CASP6: variants seen among roughly 807,000 people sequenced by gnomAD.
CASP6 encodes the protein caspase-6.
A neutral mutation model predicts 31.8 loss-of-function variants in CASP6; 20 were observed. The ratio of observed to expected loss-of-function variants is 0.63; its 90% CI spans 0.44 to 0.91. The LOEUF is 0.91. CASP6 is among the 40% of genes least tolerant of loss of function. The pLI is 0.00. For missense variants in CASP6, 328 were observed against 361.1 expected, an observed-to-expected ratio of 0.91 and a Z score of 0.74; for synonymous variants, 130 against 127.8, an observed-to-expected ratio of 1.02 and a Z score of -0.12.
intron 6 of CASP6, among the ~76,000 whole-genome samples, chr4:109,690,608 A>G (rs1730019142): frequency 6.6e-6 from 1 of 152,130 alleles, no homozygotes. Context: ...TGCTAATACT[A>G]ATATAATTAA....
At chr4:109,701,259 G>T (rs528912050) in intron 1 of CASP6, among the ~76,000 whole-genome samples, 2 of 152,062 alleles carry the variant, frequency 1.3e-5, no homozygotes, top group Non-Finnish European at 2.9e-5. Context: ...CACCACGCCC[G>T]GCCTGCGTTA....
chr4:109,666,874 G>C, the CASP6 span, among the ~76,000 whole-genome samples: 2 of 152,114 alleles, frequency 1.3e-5, no homozygotes, highest in Admixed American at 6.5e-5. Flanking sequence ...TCCTTAGTCT[G>C]TTGATATGAT....
chr4:109,698,574 TATAAAC>T (rs1245262644), intron 1 of CASP6, among the ~76,000 whole-genome samples: 2 of 152,198 alleles, frequency 1.3e-5, no homozygotes, highest in African/African-American at 2.4e-5. Flanking sequence ...ATAACAATCT[TATAAAC>T]AGAAATGGAG....
At chr4:109,709,578 G>C in the CASP6 span, among the ~76,000 whole-genome samples, 7 of 152,094 alleles carry the variant, frequency 4.6e-5, no homozygotes, top group Non-Finnish European at 1.0e-4. Flanking sequence ...AGCCATCTCT[G>C]TCCCTGGAAG....
At chr4:109,700,371 C>T (rs140198736) in intron 1 of CASP6, among the ~76,000 whole-genome samples, 31 of 152,258 alleles carry the variant, frequency 2.0e-4, no homozygotes, top group African/African-American at 7.5e-4. Flanking sequence ...TTTAAAATGA[C>T]GTTCTGGCCG....
chr4:109,671,067 C>G, the CASP6 span, among the ~76,000 whole-genome samples: 1 of 152,180 alleles, frequency 6.6e-6, no homozygotes, highest in Non-Finnish European at 1.5e-5. Flanking sequence ...ATTTTGGCGA[C>G]AGCAATTTTC....
chr4:109,682,891 T>C, the CASP6 span: 1 of 581,126 alleles, frequency 1.7e-6, no homozygotes, highest in South Asian at 2.2e-5. Context: ...TGCTTTTATC[T>C]TCCTCATTTT....
At chr4:109,702,132 G>A (rs1332526732) in intron 1 of CASP6, among the ~76,000 whole-genome samples, 1 of 152,166 alleles carries the variant, frequency 6.6e-6, no homozygotes, top group African/African-American at 2.4e-5. Flanking sequence ...GGTGAGTGAA[G>A]GAAAGCCCCG....
At chr4:109,669,322 C>T in the CASP6 span, among the ~76,000 whole-genome samples, 5 of 152,062 alleles carry the variant, frequency 3.3e-5, no homozygotes, top group Admixed American at 3.3e-4. Flanking sequence ...GTTTTTTTCT[C>T]GGAATGCTAA....
chr4:109,670,340 C>T, the CASP6 span, among the ~76,000 whole-genome samples: 1 of 149,248 alleles, frequency 6.7e-6, no homozygotes, highest in Admixed American at 6.6e-5. Flanking sequence ...TTTTCTTTTC[C>T]CCTAGGTTAA....
chr4:109,697,793 A>G, intron 2 of CASP6, 25 bp from the exon 3 acceptor site: 2 of 1,610,878 alleles, frequency 1.2e-6, no homozygotes, highest in Non-Finnish European at 1.7e-6. Context: ...TTGAAAAACA[A>G]TCACTTCAAG....
At chr4:109,694,392 A>G (rs994630241) in intron 5 of CASP6, 133 bp downstream of exon 5, 2 of 706,436 alleles carry the variant, frequency 2.8e-6, no homozygotes, top group Admixed American at 2.9e-5. Flanking sequence ...AAGTGCAACT[A>G]TGATTGGCCA....
chr4:109,690,786 A>G, intron 6 of CASP6, 64 bp downstream of exon 6: 1 of 1,506,794 alleles, frequency 6.6e-7, no homozygotes, highest in Non-Finnish European at 8.9e-7. Flanking sequence ...AACCAATCAA[A>G]GGTGAAACTT....
At chr4:109,699,559 G>A (rs1461598310) in intron 1 of CASP6, among the ~76,000 whole-genome samples, 2 of 152,220 alleles carry the variant, frequency 1.3e-5, no homozygotes, top group Non-Finnish European at 2.9e-5. Context: ...TTGGGCATCA[G>A]AATTCCTGGT....
In CASP6 at chr4:109,689,348, G is replaced by C; in HGVS notation, c.864C>G (p.Phe288Leu). ...CTATTAATTAATTAGATTTTGGAAAGAAATGCAGCTTTTTAGTTAGCATTG... is the reference window on the plus strand; with the variant it reads ...CTATTAATTAATTAGATTTTGGAAACAAATGCAGCTTTTTAGTTAGCATTG... Reference protein sequence around the residue: ...FASMLTKKLHFFPKSN With the variant: ...FASMLTKKLHLFPKSN The change falls in exon 7 of 7, where the codon TTC (phenylalanine) becomes TTG (leucine). Residue 288 changes from phenylalanine to leucine, a missense_variant. Phe to Leu is a conservative substitution (Grantham distance 22). Coordinates refer to ENST00000265164, the MANE Select transcript of CASP6 (RefSeq NM_001226.4). The C allele has an allele frequency of 6.2e-7, 1 of 1,613,956 alleles. No homozygotes were observed. Among genetic ancestry groups the C allele is most frequent in the South Asian group, 1.1e-5 (1 of 91,082 alleles).
chr4:109,667,551 T>C, the CASP6 span, among the ~76,000 whole-genome samples: 1 of 151,556 alleles, frequency 6.6e-6, no homozygotes, highest in African/African-American at 2.4e-5. Context: ...ATCATTGATT[T>C]TTCTCTGTGG....
the CASP6 span, among the ~76,000 whole-genome samples, chr4:109,667,162 A>G: frequency 2.6e-5 from 4 of 152,160 alleles, no homozygotes; most frequent in South Asian, 6.2e-4. Flanking sequence ...TAGATAATTA[A>G]TATAGTTTCT....
chr4:109,708,253 C>T (rs1730658845), upstream of CASP6, among the ~76,000 whole-genome samples: 1 of 152,186 alleles, frequency 6.6e-6, no homozygotes, highest in African/African-American at 2.4e-5. Context: ...TCAGAAATCA[C>T]TGTCTTAGTA....
chr4:109,667,963 G>A, the CASP6 span, among the ~76,000 whole-genome samples: 2 of 151,306 alleles, frequency 1.3e-5, no homozygotes, highest in South Asian at 4.2e-4. Context: ...GCTATCTTTG[G>A]GTTATTGATT....
Sources: allele counts gnomAD v4.1 joint callset (sites outside exome capture counted in the v4.1 genomes callset), GRCh38; gene constraint gnomAD v4.1.1; transcripts MANE v1.5; gene names NCBI Gene and HGNC (gene_info 2026-07-23, HGNC 2026-07-21).